Variants in MCUR1 observed in about 807,000 individuals in gnomAD.
The protein encoded by MCUR1 is MCU regulator 1.
MCUR1 carries 37 observed loss-of-function variants against 42.0 expected under a neutral mutation model. That is an observed-to-expected ratio of 0.88 (90% confidence interval 0.68 to 1.16). The LOEUF is 1.16. Ranked by LOEUF, MCUR1 falls within the 50% of genes most tolerant of loss-of-function variation. The pLI, the probability that MCUR1 is intolerant of heterozygous loss-of-function variation, is 0.00. For synonymous variants in MCUR1, 229 were observed against 196.2 expected, an observed-to-expected ratio of 1.17 and a Z score of -1.40; for missense variants, 469 against 468.4, an observed-to-expected ratio of 1.00 and a Z score of -0.01.
intron 2 of MCUR1, among the ~76,000 whole-genome samples, chr6:13,802,853 G>C (rs888878256): frequency 2.6e-5 from 4 of 152,098 alleles, no homozygotes. Context: ...GTTGTTTTAT[G>C]TCCAGCATAA....
chr6:13,800,772 C>T (rs1759972517), intron 4 of MCUR1, among the ~76,000 whole-genome samples: 2 of 152,166 alleles, frequency 1.3e-5, no homozygotes, highest in Admixed American at 1.3e-4. Flanking sequence ...CAATAAATGG[C>T]CTTCCCTATT....
intron 6 of MCUR1, among the ~76,000 whole-genome samples, chr6:13,796,637 T>G (rs908336449): frequency 4.6e-5 from 7 of 152,160 alleles, no homozygotes; most frequent in African/African-American, 1.4e-4. Flanking sequence ...TGAAAAAAAT[T>G]TCTGGAAAAT....
rs574467740 is a variant in MCUR1 at position 13,814,283 on chromosome 6, C to A, written c.147G>T (p.Leu49=). The part of the protein sequence containing the change: ...RRCLSALSDG[L]GALRPRAPAA... Reference sequence around the variant, plus strand: ...CCGGGGCGCGAGGGCGCAGCGCCCCCAGACCGTCGGAGAGCGCAGAGAGGC... The same window carrying A: ...CCGGGGCGCGAGGGCGCAGCGCCCCAAGACCGTCGGAGAGCGCAGAGAGGC... The change falls in exon 1 of 9, where the codon CTG becomes CTT. Residue 49 remains leucine, a synonymous_variant. Transcript: ENST00000379170. The A allele has an allele frequency of 3.9e-5, 59 of 1,494,306 alleles. No homozygotes were observed. The South Asian group carries it at 6.7e-4, about 17-fold the overall frequency. 92.6% of individuals were successfully genotyped at this position (1,494,306 alleles called of 1,614,324 possible).
intron 6 of MCUR1, among the ~76,000 whole-genome samples, chr6:13,798,247 C>T (rs1233570189): frequency 6.6e-6 from 1 of 151,484 alleles, no homozygotes; most frequent in African/African-American, 2.4e-5. Context: ...AGGTGCCCGC[C>T]ACCATGCCCG....
chr6:13,810,811 A>C (rs1760216363), intron 1 of MCUR1, among the ~76,000 whole-genome samples: 2 of 152,224 alleles, frequency 1.3e-5, no homozygotes, highest in African/African-American at 4.8e-5. Context: ...CACAATATAA[A>C]GTGCAATGAC....
intron 5 of MCUR1, among the ~76,000 whole-genome samples, chr6:13,799,341 C>T (rs1226449874): frequency 2.6e-5 from 4 of 152,142 alleles, no homozygotes; most frequent in South Asian, 2.1e-4. Flanking sequence ...CATGCCACCA[C>T]GTCTGGCTAA....
intron 6 of MCUR1, among the ~76,000 whole-genome samples, chr6:13,796,349 G>A (rs144962103): frequency 0.026 from 3,831 of 149,662 alleles, 146 homozygotes; most frequent in African/African-American, 0.089. Flanking sequence ...GTGCAGTGGC[G>A]TGATCTCGGC....
At chr6:13,801,784 A>G (rs56775827) in intron 3 of MCUR1, among the ~76,000 whole-genome samples, 2,846 of 152,212 alleles carry the variant, frequency 0.019, 97 homozygotes, top group African/African-American at 0.066. Flanking sequence ...CAGGAGGTCA[A>G]CGAGGCTGCA....
intron 3 of MCUR1, among the ~76,000 whole-genome samples, chr6:13,802,014 G>C (rs1760001650): frequency 6.6e-6 from 1 of 152,124 alleles, no homozygotes; most frequent in African/African-American, 2.4e-5. Flanking sequence ...TATTTCACTG[G>C]AATAATTTTG....
chr6:13,809,590 A>G (rs1481630267), intron 1 of MCUR1, among the ~76,000 whole-genome samples: 3 of 152,046 alleles, frequency 2.0e-5, no homozygotes, highest in African/African-American at 7.2e-5. Flanking sequence ...ATGAACTGCT[A>G]AAATCTTTTT....
At chr6:13,798,754 T>A (rs1334016458) in intron 6 of MCUR1, 79 bp downstream of exon 6, 1 of 1,011,390 alleles carries the variant, frequency 9.9e-7, no homozygotes, top group Admixed American at 2.0e-5. Context: ...CTATGACATG[T>A]ACATAAACTT....
At chr6:13,810,933 C>T (rs777615587) in intron 1 of MCUR1, among the ~76,000 whole-genome samples, 8 of 152,320 alleles carry the variant, frequency 5.3e-5, no homozygotes, top group Admixed American at 2.6e-4. Context: ...TTTATGACCA[C>T]GCTTATCCTT....
Position 13,790,851 on chromosome 6 carries a change from C to T in MCUR1, c.1038G>A (p.Thr346=), listed in dbSNP as rs572372696. 3.0e-5 allele frequency: 49 copies of T among 1,609,884 alleles called. 1 individual carries two copies. In the South Asian group the frequency reaches 3.1e-4, roughly 10 times the overall value. ...NIKYLAGSIF[T]CLTVALGFYR... ...AAAATCCCAGAGCTACTGTTAGGCA[C>T]GTAAATATAGACCCTGTAAGAAAAA... is the stretch of plus-strand genomic sequence containing the variant. Residue 346 remains threonine, a synonymous_variant, in exon 9 of 9, where the codon ACG becomes ACA. Transcript: ENST00000379170.
intron 7 of MCUR1, among the ~76,000 whole-genome samples, chr6:13,792,765 G>T (rs1759758731): frequency 1.3e-5 from 2 of 152,092 alleles, no homozygotes; most frequent in East Asian, 1.9e-4. Flanking sequence ...GAGAAAAAAA[G>T]AAATAAATGC....
chr6:13,799,876 G>A (rs565226585), intron 5 of MCUR1, among the ~76,000 whole-genome samples: 5 of 137,626 alleles, frequency 3.6e-5, no homozygotes, highest in Admixed American at 2.4e-4. Context: ...TTGTTACCAC[G>A]GCTGGAGTGC....
intron 5 of MCUR1, 30 bp downstream of exon 5, chr6:13,800,311 C>G: frequency 6.7e-7 from 1 of 1,492,626 alleles, no homozygotes; most frequent in Non-Finnish European, 9.2e-7. Context: ...TAATTACAAA[C>G]CAGCCAACAA....
chr6:13,805,108 T>C (rs1220808836), intron 2 of MCUR1, among the ~76,000 whole-genome samples: 1 of 151,734 alleles, frequency 6.6e-6, no homozygotes, highest in Non-Finnish European at 1.5e-5. Flanking sequence ...CAAATAACCA[T>C]GGGTTAAGGT....
intron 6 of MCUR1, among the ~76,000 whole-genome samples, chr6:13,795,298 A>G (rs867336236): frequency 2.6e-5 from 4 of 152,088 alleles, no homozygotes; most frequent in Non-Finnish European, 4.4e-5. Flanking sequence ...GTGGAACAAG[A>G]TTTTGTGCAC....
intron 1 of MCUR1, among the ~76,000 whole-genome samples, chr6:13,812,707 T>C (rs373718438): frequency 1.3e-5 from 2 of 152,236 alleles, no homozygotes; most frequent in South Asian, 2.1e-4. Context: ...TCTTAAATTA[T>C]AGATATGGTC....
Sources: allele counts gnomAD v4.1 joint callset (sites outside exome capture counted in the v4.1 genomes callset), GRCh38; gene constraint gnomAD v4.1.1; transcripts MANE v1.5; gene names NCBI Gene and HGNC (gene_info 2026-07-23, HGNC 2026-07-21).